The following AGBL4 variants were observed in gnomAD, a reference collection of about 807,000 sequenced individuals.
The protein encoded by AGBL4 is cytosolic carboxypeptidase 6.
AGBL4 carries 58 observed loss-of-function variants against 66.4 expected under a neutral mutation model. The observed-to-expected ratio is 0.87, with a 90% confidence interval of 0.71 to 1.09. The LOEUF (loss-of-function observed/expected upper bound fraction) is 1.09. AGBL4 is among the 50% of genes least tolerant of loss of function. The pLI is 0.00. For synonymous variants in AGBL4, 234 were observed against 222.9 expected (o/e 1.05, Z -0.44); for missense variants, 579 against 631.0 (o/e 0.92, Z 0.88).
At chr1:48,994,755 TTA>T (rs200956086) in intron 5 of AGBL4, among the ~76,000 whole-genome samples, 3 of 152,206 alleles carry the variant, frequency 2.0e-5, no homozygotes, top group South Asian at 2.1e-4. Context: ...AGCATATGGT[TTA>T]TATATATATT....
intron 2 of AGBL4, among the ~76,000 whole-genome samples, chr1:49,742,648 A>T (rs540031356): frequency 2.0e-5 from 3 of 152,286 alleles, no homozygotes; most frequent in Admixed American, 2.0e-4. Flanking sequence ...CTGACTTCAA[A>T]CTATACTACA....
At chr1:48,900,194 A>G (rs1651948209) in intron 5 of AGBL4, among the ~76,000 whole-genome samples, 1 of 152,194 alleles carries the variant, frequency 6.6e-6, no homozygotes, top group South Asian at 2.1e-4. Flanking sequence ...GGACCAAGAA[A>G]GATGAGGCTA....
At chr1:49,033,050 A>G (rs1469736120) in intron 5 of AGBL4, among the ~76,000 whole-genome samples, 1 of 152,106 alleles carries the variant, frequency 6.6e-6, no homozygotes, top group Non-Finnish European at 1.5e-5. Flanking sequence ...GCCCTTATTC[A>G]TCCAGGGTTA....
At chr1:49,835,914 G>T (rs1201364334) in intron 2 of AGBL4, among the ~76,000 whole-genome samples, 1 of 152,036 alleles carries the variant, frequency 6.6e-6, no homozygotes, top group Non-Finnish European at 1.5e-5. Flanking sequence ...CCCTCTTCTG[G>T]TTCTGGCTTC....
At chr1:49,345,086 A>C (rs1190680802) in intron 3 of AGBL4, among the ~76,000 whole-genome samples, 1 of 152,212 alleles carries the variant, frequency 6.6e-6, no homozygotes, top group Non-Finnish European at 1.5e-5. Flanking sequence ...CCCTAATTCC[A>C]AAAATGACAT....
At chr1:48,721,765 T>C (rs1647153840) in intron 6 of AGBL4, among the ~76,000 whole-genome samples, 1 of 152,194 alleles carries the variant, frequency 6.6e-6, no homozygotes, top group East Asian at 1.9e-4. Flanking sequence ...TGAGTTGTGG[T>C]GACCCCAGGT....
chr1:49,905,238 G>A (rs1168029929), intron 1 of AGBL4, among the ~76,000 whole-genome samples: 1 of 152,088 alleles, frequency 6.6e-6, no homozygotes, highest in Admixed American at 6.6e-5. Flanking sequence ...CTAATACAAT[G>A]TATCCTGAGT....
chr1:49,034,554 A>C (rs924767546), intron 5 of AGBL4, among the ~76,000 whole-genome samples: 4 of 152,096 alleles, frequency 2.6e-5, no homozygotes, highest in African/African-American at 9.7e-5. Context: ...GTCCCTACCC[A>C]ACTCTCACCT....
intron 1 of AGBL4, among the ~76,000 whole-genome samples, chr1:49,919,362 A>C (rs1298657470): frequency 1.3e-5 from 2 of 152,236 alleles, no homozygotes; most frequent in African/African-American, 4.8e-5. Flanking sequence ...AAATCTCCTT[A>C]AGCTGATAAG....
intron 3 of AGBL4, among the ~76,000 whole-genome samples, chr1:49,695,656 C>T (rs911881989): frequency 1.3e-5 from 2 of 152,032 alleles, no homozygotes; most frequent in Non-Finnish European, 2.9e-5. Context: ...TAAAGTTTGT[C>T]CTTAAGAGGC....
chr1:50,013,632 G>A (rs868332448), intron 1 of AGBL4, among the ~76,000 whole-genome samples: 1 of 152,146 alleles, frequency 6.6e-6, no homozygotes, highest in Non-Finnish European at 1.5e-5. Context: ...ACACTACTAA[G>A]ATAAGAAGTT....
intron 5 of AGBL4, among the ~76,000 whole-genome samples, chr1:48,921,610 T>C (rs1033938348): frequency 6.6e-6 from 1 of 152,198 alleles, no homozygotes; most frequent in African/African-American, 2.4e-5. Context: ...GGCATTGCTA[T>C]TATAATATAA....
rs1161603010 is a variant in AGBL4, at chr1:49,756,299, G to GA, written c.158-58863dup. On this transcript the variant is annotated intron_variant, in intron 2 of 13. Transcript: ENST00000371839. ...TCTCTGTGAACCAAAAGTTAAAAGA[G>GA]AAAAAAAAGTCAAGAATAAGTAGAA... Among the ~76,000 whole-genome samples, 4 of 149,552 alleles carry GA rather than the reference G, an allele frequency of 2.7e-5. No homozygotes were observed. In the East Asian group the frequency reaches 5.9e-4, roughly 22 times the overall value.
intron 4 of AGBL4, among the ~76,000 whole-genome samples, chr1:49,113,097 C>A (rs990438085): frequency 2.6e-5 from 4 of 151,874 alleles, no homozygotes; most frequent in Non-Finnish European, 5.9e-5. Flanking sequence ...ACTACAGGCG[C>A]CTGCCACCAC....
chr1:49,746,843 TG>T (rs1457671668), intron 2 of AGBL4, among the ~76,000 whole-genome samples: 1 of 152,118 alleles, frequency 6.6e-6, no homozygotes, highest in Non-Finnish European at 1.5e-5. Flanking sequence ...ATTAATTGTC[TG>T]TAGCTGAGAT....
chr1:48,562,180 C>A (rs1644406761), intron 11 of AGBL4, among the ~76,000 whole-genome samples: 2 of 152,180 alleles, frequency 1.3e-5, no homozygotes, highest in South Asian at 4.1e-4. Flanking sequence ...CCACACCCAA[C>A]TTTTCATTTC....
chr1:49,637,290 ATTC>A (rs937963299), intron 3 of AGBL4, among the ~76,000 whole-genome samples: 4 of 152,080 alleles, frequency 2.6e-5, no homozygotes, highest in African/African-American at 9.6e-5. Context: ...TACTTCTTTT[ATTC>A]TTTTATTTTT....
At chr1:49,433,480 T>G (rs1236529113) in intron 3 of AGBL4, among the ~76,000 whole-genome samples, 1 of 152,320 alleles carries the variant, frequency 6.6e-6, no homozygotes, top group East Asian at 1.9e-4. Context: ...AGAAGTGTTC[T>G]GTGATGATTG....
chr1:49,655,089 T>C (rs1381969777), intron 3 of AGBL4, among the ~76,000 whole-genome samples: 8 of 152,160 alleles, frequency 5.3e-5, no homozygotes, highest in African/African-American at 1.7e-4. Flanking sequence ...TTCCTTTCCA[T>C]GTTTAGTGCT....
Sources: allele counts gnomAD v4.1 joint callset (sites outside exome capture counted in the v4.1 genomes callset), GRCh38; gene constraint gnomAD v4.1.1; transcripts MANE v1.5; gene names NCBI Gene and HGNC (gene_info 2026-07-23, HGNC 2026-07-21).